Variants in ANK1 observed in about 807,000 individuals in gnomAD.
The protein encoded by ANK1 is ankyrin-1.
Under a neutral mutation model 210.4 loss-of-function variants are expected in ANK1, and 51 were observed. The observed-to-expected ratio is 0.24, with a 90% CI of 0.19 to 0.31. The LOEUF (loss-of-function observed/expected upper bound fraction) is 0.31. ANK1 is among the 10% of genes least tolerant of loss of function. ANK1 has a pLI of 1.00. For synonymous variants in ANK1, 967 were observed against 1,025.9 expected (o/e 0.94, Z 1.10); for missense variants, 2,051 against 2,504.4 (o/e 0.82, Z 3.86).
At chr8:41,673,983 C>T (rs949332860) in intron 37 of ANK1, among the ~76,000 whole-genome samples, 1 of 152,206 alleles carries the variant, frequency 6.6e-6, no homozygotes, top group Non-Finnish European at 1.5e-5. Flanking sequence ...GATGTCCAGA[C>T]ACCCCCAGCC....
At chr8:41,687,256 G>A (rs982105780) in intron 35 of ANK1, among the ~76,000 whole-genome samples, 2 of 152,198 alleles carry the variant, frequency 1.3e-5, no homozygotes, top group South Asian at 4.1e-4. Flanking sequence ...ACAGAAATAC[G>A]GTTATAATTA....
intron 1 of ANK1, among the ~76,000 whole-genome samples, chr8:41,810,062 G>A (rs548526810): frequency 2.8e-4 from 42 of 152,282 alleles, no homozygotes; most frequent in African/African-American, 9.9e-4. Context: ...GGAGAATTTC[G>A]CTTCAGGTTC....
rs61538896 is a variant in ANK1, at chr8:41,720,016, C to T, written c.910-158G>A. 1.1e-3 allele frequency among the ~76,000 whole-genome samples: 161 copies of T among 152,272 alleles called. 2 individuals are homozygous for T. In the East Asian group the frequency reaches 0.027, roughly 26 times the overall value. On this transcript the variant is annotated intron_variant, in intron 9 of 42. Coordinates refer to ENST00000289734, the MANE Select transcript of ANK1 (RefSeq NM_000037.4). Reference sequence around the variant, plus strand: ...CTCACCCTGGCCTCCACGCTCCTGCCGGTCTCTGACCACAGACATTCTCCT... The same window carrying T: ...CTCACCCTGGCCTCCACGCTCCTGCTGGTCTCTGACCACAGACATTCTCCT...
At chr8:41,827,696 ACACAC>A (rs1805639221) in intron 1 of ANK1, among the ~76,000 whole-genome samples, 1 of 14,940 alleles carries the variant, frequency 6.7e-5, no homozygotes, top group Non-Finnish European at 1.8e-4. Context: ...ACACACTCAC[ACACAC>A]TCACACGCAC....
intron 40 of ANK1, among the ~76,000 whole-genome samples, chr8:41,663,429 G>A (rs937876561): frequency 3.9e-5 from 6 of 152,168 alleles, no homozygotes; most frequent in Non-Finnish European, 4.4e-5. Context: ...AGCAGCAGAA[G>A]CTATTCAGGT....
Position 41,696,790 on chromosome 8 carries a change from G to A in ANK1, c.2638-17C>T, listed in dbSNP as rs1304851859. On this transcript the variant is annotated splice_polypyrimidine_tract_variant and intron_variant, in intron 24 of 42. Coordinates refer to ENST00000289734, the MANE Select transcript of ANK1 (RefSeq NM_000037.4). ...TTTAGATGCCTGAGGAGAGAGAAAG[G>A]GTCCTCCTGTCCCACCTCCTCCCGG... is the stretch of plus-strand genomic sequence containing the variant. 1.3e-6 allele frequency: 2 copies of A among 1,593,666 alleles called. No individual in the cohort carries two copies. The highest frequency in any genetic ancestry group is 3.3e-5 in the Admixed American group (2 of 59,892).
chr8:41,664,039 AG>A (rs1563339939), intron 39 of ANK1: 2 of 553,214 alleles, frequency 3.6e-6, no homozygotes, highest in East Asian at 8.5e-5. Context: ...AGTCTGACGG[AG>A]GAGGCCCTGA....
chr8:41,683,995 C>A (rs985262447), intron 37 of ANK1, among the ~76,000 whole-genome samples: 3 of 152,214 alleles, frequency 2.0e-5, no homozygotes, highest in African/African-American at 4.8e-5. Flanking sequence ...AGCAGAGAGA[C>A]CCGGCTCCAG....
chr8:41,732,371 G>T (rs1832383854), intron 3 of ANK1, among the ~76,000 whole-genome samples: 1 of 152,180 alleles, frequency 6.6e-6, no homozygotes, highest in Non-Finnish European at 1.5e-5. Context: ...TAACTGGGGA[G>T]ACAGTACTTG....
intron 1 of ANK1, among the ~76,000 whole-genome samples, chr8:41,831,691 AAAGGAAGGAAGG>A: frequency 6.6e-6 from 1 of 152,086 alleles, no homozygotes; most frequent in East Asian, 1.9e-4. Context: ...AAAGGAAAGA[AAAGGAAGGAAGG>A]AAGGAAGGAC....
intron 37 of ANK1, among the ~76,000 whole-genome samples, chr8:41,679,799 C>T (rs911274233): frequency 2.6e-5 from 4 of 151,308 alleles, no homozygotes; most frequent in Non-Finnish European, 1.5e-5. Context: ...CTCCTGACCT[C>T]GTGATCCGCC....
Position 41,699,566 on chromosome 8 carries a change from C to G in ANK1, c.2462-18G>C. The G allele has an allele frequency of 6.2e-7, 1 of 1,610,632 alleles. No individual in the cohort carries two copies. Among genetic ancestry groups the G allele is most frequent in the East Asian group, 2.2e-5 (1 of 44,864 alleles). On this transcript the variant is annotated intron_variant, in intron 22 of 42. Transcript: ENST00000289734. ...TTCTTCCCCTGAAACAGCAAGAGCT[C>G]AAGTGAGCGACGGGGTAGAGGAAGA...
chr8:41,808,591 G>C (rs1314849158), intron 1 of ANK1, among the ~76,000 whole-genome samples: 1 of 152,094 alleles, frequency 6.6e-6, no homozygotes, highest in Non-Finnish European at 1.5e-5. Flanking sequence ...AGTGAACCCA[G>C]GAGGCGGAGG....
At chr8:41,827,075 C>T (rs1232630334) in intron 1 of ANK1, among the ~76,000 whole-genome samples, 1 of 152,140 alleles carries the variant, frequency 6.6e-6, no homozygotes, top group Non-Finnish European at 1.5e-5. Flanking sequence ...TAATATAAGC[C>T]CTTAATAATC....
In ANK1 at chr8:41,661,754, C is replaced by T. The variant is rs1035325229; in HGVS notation, c.5544+122G>A. 9 of 1,610,222 alleles carry T rather than the reference C, an allele frequency of 5.6e-6. 1 individual carries two copies. In the African/African-American group the frequency reaches 6.7e-5, roughly 12 times the overall value. ...ATGCAGACGGCCCGGCAGAGCAAGG[C>T]AGCAGTGATGGCGCTGGGTCCCCCA... On this transcript the variant is annotated intron_variant, in intron 41 of 42. Coordinates refer to ENST00000289734, the MANE Select transcript of ANK1 (RefSeq NM_000037.4).
intron 42 of ANK1, among the ~76,000 whole-genome samples, chr8:41,658,774 T>G (rs911053562): frequency 6.6e-6 from 1 of 152,118 alleles, no homozygotes; most frequent in Non-Finnish European, 1.5e-5. Context: ...ATGCCTGTAA[T>G]CCCAGCTACT....
At position 41,719,786 on chromosome 8, in the gene ANK1, C is replaced by T. The variant is rs1466223186; in HGVS notation, c.982G>A (p.Asp328Asn). ...LDCVRLLLQYDAEIDDITLDH... is the reference protein window; with the variant it reads ...LDCVRLLLQYNAEIDDITLDH... Reference sequence around the variant, plus strand: ...AGGGTGATGTCGTCTATCTCTGCGTCGTATTGCAACAGGAGCCGGACACAG... The same window carrying T: ...AGGGTGATGTCGTCTATCTCTGCGTTGTATTGCAACAGGAGCCGGACACAG... The change falls in exon 10 of 43, where the codon GAC becomes AAC. Residue 328 changes from aspartate to asparagine, a missense_variant. Transcript: ENST00000289734. 6.2e-7 allele frequency: 1 copy of T among 1,614,108 alleles called. No individual in the cohort carries two copies. The highest frequency in any genetic ancestry group is 1.3e-5 in the African/African-American group (1 of 74,930).
At chr8:41,890,457 C>T (rs940369239) in intron 1 of ANK1, among the ~76,000 whole-genome samples, 8 of 152,142 alleles carry the variant, frequency 5.3e-5, no homozygotes, top group African/African-American at 9.7e-5. Flanking sequence ...GCCTGTAATC[C>T]CAGCACTTTG....
chr8:41,744,800 G>T (rs755222564), intron 2 of ANK1, among the ~76,000 whole-genome samples: 6 of 152,186 alleles, frequency 3.9e-5, no homozygotes, highest in Non-Finnish European at 8.8e-5. Flanking sequence ...CTCCCAAAGT[G>T]CTGGGATTAC....
Sources: gnomAD v4.1 joint callset for allele counts (sites outside exome capture counted in the v4.1 genomes callset) on GRCh38, gnomAD v4.1.1 for gene constraint, MANE v1.5 for transcripts, NCBI Gene and HGNC (gene_info 2026-07-23, HGNC 2026-07-21) for gene names.